Variants in WNT9A observed in about 807,000 individuals in gnomAD.
WNT9A encodes protein Wnt-9a.
WNT9A carries 8 observed loss-of-function variants against 31.4 expected under a neutral mutation model. That is an observed-to-expected ratio of 0.26 (90% confidence interval 0.15 to 0.46). The LOEUF is 0.46. Ranked by LOEUF, WNT9A falls within the 20% of genes least tolerant of loss-of-function variation. The probability of loss-of-function intolerance (pLI) is 0.99; values close to 1 mark genes in which losing one functional copy is unlikely to be tolerated. For synonymous variants in WNT9A, 236 were observed against 220.1 expected, an observed-to-expected ratio of 1.07 and a Z score of -0.64; for missense variants, 457 against 522.9, an observed-to-expected ratio of 0.87 and a Z score of 1.23.
Position 227,924,479 on chromosome 1 carries a change from A to T in WNT9A, c.353-79T>A. ...CACTGTCCTGCAGCCAAATCACCCC[A>T]AGAGTATGAATCCCATGTTGGGGCT... On this transcript the variant is annotated intron_variant, in intron 2 of 3. Transcript: ENST00000272164. 4 of 1,518,800 alleles carry T rather than the reference A, an allele frequency of 2.6e-6. No homozygotes were observed. In the Admixed American group the frequency reaches 8.1e-5, roughly 31 times the overall value. The allele number at this position is 1,518,800 out of a possible 1,614,324, so 94.1% of individuals were successfully genotyped here. A position where few individuals can be genotyped will look rare whatever the true frequency, so the allele number is the denominator to read the frequency against.
chr1:227,922,065 C>T, intron 3 of WNT9A, 65 bp from the exon 4 acceptor site: 2 of 1,535,888 alleles, frequency 1.3e-6, no homozygotes, highest in South Asian at 1.3e-5. Context: ...GTGAGCAGAC[C>T]CTGCCCTGGA....
Position 227,928,119 on chromosome 1 carries a change from C to T in WNT9A, c.96-2600G>A, listed in dbSNP as rs188378212. Among the ~76,000 whole-genome samples the T allele has an allele frequency of 5.3e-5, 8 of 152,234 alleles. No individual in the cohort carries two copies. The highest frequency in any genetic ancestry group is 4.2e-4 in the South Asian group (2 of 4,816). On this transcript the variant is annotated intron_variant, in intron 1 of 3. Transcript: ENST00000272164. The surrounding 1 kb of genome is among the most constrained non-coding windows in gnomAD (Gnocchi z 4.5). ...CACTGGTCAGTGTGAGGCCCGAGCA[C>T]GCCGGGGCACTGAGAGCTGGTTTGA... is the stretch of plus-strand genomic sequence containing the variant.
At chr1:227,937,773 G>C (rs980183843) in intron 1 of WNT9A, among the ~76,000 whole-genome samples, 1 of 152,250 alleles carries the variant, frequency 6.6e-6, no homozygotes, top group Non-Finnish European at 1.5e-5. Flanking sequence ...CTTCAGACCT[G>C]AGACAGAAGT....
Position 227,947,799 on chromosome 1 carries a change from T to C in WNT9A, c.89A>G (p.Tyr30Cys). The change falls in exon 1 of 4, where the codon TAC (tyrosine) becomes TGC (cysteine). Residue 30 changes from tyrosine to cysteine, a missense_variant. Tyr to Cys is a radical substitution (Grantham distance 194). Coordinates refer to ENST00000272164, the MANE Select transcript of WNT9A (RefSeq NM_003395.4). ...GGCCGCCGAAGGCACCTACCCGAAG[T>C]AGGCGGCCGAAGGGCGCAGCGCGGC... Reference protein sequence around the residue: ...LLAALRPSAAYFGLTGSEPLT... With the variant: ...LLAALRPSAACFGLTGSEPLT... The C allele has an allele frequency of 1.8e-6, 2 of 1,089,380 alleles. No individual in the cohort carries two copies. Among genetic ancestry groups the C allele is most frequent in the East Asian group, 5.8e-5 (1 of 17,258 alleles). 67.5% of individuals were successfully genotyped at this position (1,089,380 alleles called of 1,614,324 possible). A position where few individuals can be genotyped will look rare whatever the true frequency, so the allele number is the denominator to read the frequency against.
Position 227,921,878 on chromosome 1 carries a change from C to T in WNT9A, c.738G>A (p.Lys246=). 6.2e-7 allele frequency: 1 copy of T among 1,613,224 alleles called. No individual in the cohort carries two copies. The highest frequency in any genetic ancestry group is 8.5e-7 in the Non-Finnish European group (1 of 1,179,948). Residue 246 remains lysine, a synonymous_variant, in exon 4 of 4, where the codon AAG becomes AAA. Coordinates refer to ENST00000272164, the MANE Select transcript of WNT9A (RefSeq NM_003395.4). ...TGCCCACCTTGAGTGCCGTCTCATA[C>T]TTGTGCTTCAGATGCTTGCCCACCT... ...FHEVGKHLKH[K]YETALKVGST...
chr1:227,925,187 G>A lies in WNT9A; in HGVS notation c.352+76C>T, dbSNP rs1268535340. On this transcript the variant is annotated intron_variant, in intron 2 of 3. Coordinates refer to ENST00000272164, the MANE Select transcript of WNT9A (RefSeq NM_003395.4). This position sits in a 1 kb window ranked among gnomAD's most constrained non-coding sequence, Gnocchi z 6.0. Reference sequence around the variant, plus strand: ...TCCCCAGGAGCGCAGCCTAAGAGGGGCCTCTTGGGATATGGACAAGGCCTG... The same window carrying A: ...TCCCCAGGAGCGCAGCCTAAGAGGGACCTCTTGGGATATGGACAAGGCCTG... 11 of 1,433,704 alleles carry A rather than the reference G, an allele frequency of 7.7e-6. No individual in the cohort carries two copies. Among genetic ancestry groups the A allele is most frequent in the Non-Finnish European group, 1.0e-5 (11 of 1,093,508 alleles). The allele number at this position is 1,433,704 out of a possible 1,614,324, so 88.8% of individuals were successfully genotyped here. A position where few individuals can be genotyped will look rare whatever the true frequency, so the allele number is the denominator to read the frequency against.
chr1:227,926,061 G>A lies in WNT9A; in HGVS notation c.96-542C>T, dbSNP rs76397747. Among the ~76,000 whole-genome samples, 4 of 152,050 alleles carry A rather than the reference G, an allele frequency of 2.6e-5. No homozygotes were observed. Among genetic ancestry groups the A allele is most frequent in the African/African-American group, 9.7e-5 (4 of 41,386 alleles). On this transcript the variant is annotated intron_variant, in intron 1 of 3. Transcript: ENST00000272164. This position sits in a 1 kb window ranked among gnomAD's most constrained non-coding sequence, Gnocchi z 5.0. Reference sequence around the variant, plus strand: ...GCTTCCCAGCACTCCTGCAGTCTACGCATATGTCCCCAGGTTCCAGCTGGG... The same window carrying A: ...GCTTCCCAGCACTCCTGCAGTCTACACATATGTCCCCAGGTTCCAGCTGGG...
At position 227,928,914 on chromosome 1, in the gene WNT9A, G is replaced by A. The variant is rs1350353938; in HGVS notation, c.96-3395C>T. Among the ~76,000 whole-genome samples the A allele has an allele frequency of 6.6e-6, 1 of 152,216 alleles. No individual in the cohort carries two copies. The highest frequency in any genetic ancestry group is 1.5e-5 in the Non-Finnish European group (1 of 68,040). On this transcript the variant is annotated intron_variant, in intron 1 of 3. Coordinates refer to ENST00000272164, the MANE Select transcript of WNT9A (RefSeq NM_003395.4). The surrounding 1 kb of genome is among the most constrained non-coding windows in gnomAD (Gnocchi z 4.5). ...TCTCTGCACAGCAAAGAACAAAAAA[G>A]AGGCAGCGCAGAGTCCAGAGACCAA...
At chr1:227,938,661 A>G (rs1666641101) in intron 1 of WNT9A, among the ~76,000 whole-genome samples, 1 of 152,202 alleles carries the variant, frequency 6.6e-6, no homozygotes, top group Non-Finnish European at 1.5e-5. Flanking sequence ...ATACATGCAC[A>G]TACACATACA....
At chr1:227,931,899 CTT>C (rs1666518151) in intron 1 of WNT9A, among the ~76,000 whole-genome samples, 1 of 115,594 alleles carries the variant, frequency 8.7e-6, no homozygotes, top group African/African-American at 3.3e-5. Flanking sequence ...TTTTTTGTAT[CTT>C]TAGTAGAGAC....
chr1:227,939,694 C>T (rs375221549), intron 1 of WNT9A, among the ~76,000 whole-genome samples: 3 of 152,232 alleles, frequency 2.0e-5, no homozygotes, highest in East Asian at 3.8e-4. Flanking sequence ...CTGACCGGGA[C>T]CCAGCTTTCT....
intron 1 of WNT9A, among the ~76,000 whole-genome samples, chr1:227,930,499 A>G (rs923265242): frequency 1.3e-5 from 2 of 152,190 alleles, no homozygotes; most frequent in African/African-American, 4.8e-5. Flanking sequence ...CCACGGACAC[A>G]CCACCACACA....
chr1:227,938,665 A>G (rs1315723557), intron 1 of WNT9A, among the ~76,000 whole-genome samples: 3 of 152,136 alleles, frequency 2.0e-5, no homozygotes, highest in African/African-American at 4.8e-5. Flanking sequence ...ATGCACATAC[A>G]CATACATATA....
chr1:227,929,588 C>CT (rs1473594192), intron 1 of WNT9A, among the ~76,000 whole-genome samples: 1 of 152,170 alleles, frequency 6.6e-6, no homozygotes, highest in Non-Finnish European at 1.5e-5. Flanking sequence ...AAACCCAGAA[C>CT]TTTGGGAGGC....
intron 3 of WNT9A, among the ~76,000 whole-genome samples, chr1:227,922,847 C>T (rs767668059): frequency 6.6e-6 from 1 of 152,328 alleles, no homozygotes; most frequent in Admixed American, 6.5e-5. Context: ...CCAGCAGCCC[C>T]CAGGAGGGCC....
At position 227,928,846 on chromosome 1, in the gene WNT9A, T is replaced by A. The variant is rs1572127892; in HGVS notation, c.96-3327A>T. Among the ~76,000 whole-genome samples the A allele has an allele frequency of 6.6e-6, 1 of 152,108 alleles. No homozygotes were observed. The highest frequency in any genetic ancestry group is 1.5e-5 in the Non-Finnish European group (1 of 68,016). The stretch of plus-strand genomic sequence containing the variant: ...TTCCGTGAGACTCAGAACTCAGAAG[T>A]CACTGAAAAGTGAATATATTTGACT... On this transcript the variant is annotated intron_variant, in intron 1 of 3. Coordinates refer to ENST00000272164, the MANE Select transcript of WNT9A (RefSeq NM_003395.4). This position sits in a 1 kb window ranked among gnomAD's most constrained non-coding sequence, Gnocchi z 4.5.
chr1:227,940,412 A>G (rs769020279), intron 1 of WNT9A, among the ~76,000 whole-genome samples: 4 of 152,194 alleles, frequency 2.6e-5, no homozygotes, highest in Non-Finnish European at 5.9e-5. Flanking sequence ...TCAGCAGGAC[A>G]GGGAGAGCCA....
intron 1 of WNT9A, among the ~76,000 whole-genome samples, chr1:227,947,076 A>AG (rs1267039546): frequency 6.6e-6 from 1 of 152,006 alleles, no homozygotes; most frequent in Non-Finnish European, 1.5e-5. Context: ...AGAGAGGGGG[A>AG]GGGAAGAAGG....
At position 227,929,280 on chromosome 1, in the gene WNT9A, T is replaced by C. The variant is rs1189726219; in HGVS notation, c.96-3761A>G. ...CCCCATCTCAAGAAAAAAAACTATA[T>C]TGATACATTATGCTTTGTTAATTAA... On this transcript the variant is annotated intron_variant, in intron 1 of 3. Transcript: ENST00000272164. Among the ~76,000 whole-genome samples, 4 of 152,152 alleles carry C rather than the reference T, an allele frequency of 2.6e-5. No individual in the cohort carries two copies. In the East Asian group the frequency reaches 7.7e-4, roughly 29 times the overall value.
Sources: allele counts gnomAD v4.1 joint callset (sites outside exome capture counted in the v4.1 genomes callset), GRCh38; gene constraint gnomAD v4.1.1; non-coding constraint Gnocchi (gnomAD v3.1); transcripts MANE v1.5; gene names NCBI Gene and HGNC (gene_info 2026-07-23, HGNC 2026-07-21).